The following ADAMTSL1 variants were observed in gnomAD, a reference collection of about 807,000 sequenced individuals.
ADAMTSL1 encodes ADAMTS like 1, also known as ADAMTS-like protein 1.
A neutral mutation model predicts 201.8 loss-of-function variants in ADAMTSL1; 126 were observed. The ratio of observed to expected loss-of-function variants is 0.62; its 90% CI spans 0.54 to 0.72. ADAMTSL1 has a LOEUF of 0.72. ADAMTSL1 is among the 30% of genes least tolerant of loss of function. ADAMTSL1 has a pLI of 0.00. For missense variants in ADAMTSL1, 2,679 were observed against 2,277.8 expected (o/e 1.18, Z -3.59); for synonymous variants, 1,121 against 903.4 (o/e 1.24, Z -4.32).
intron 2 of ADAMTSL1, among the ~76,000 whole-genome samples, chr9:18,406,295 T>TTTTCTTTTCTTTTCTTTTCC (rs1243022193): frequency 1.5e-5 from 1 of 68,880 alleles, no homozygotes; most frequent in East Asian, 3.3e-4. Context: ...CAGTTTTTTC[T>TTTTCTTTTCTTTTCTTTTCC]TTTCTTTTCT....
chr9:18,290,480 G>C (rs1833207561), intron 2 of ADAMTSL1, among the ~76,000 whole-genome samples: 1 of 152,014 alleles, frequency 6.6e-6, no homozygotes, highest in South Asian at 2.1e-4. Flanking sequence ...TTCCTTCCTG[G>C]CCCCACAAAG....
In ADAMTSL1 at chr9:17,927,998, T is replaced by C. The variant is rs1826622562; in HGVS notation, c.87+21076T>C. ...TTTTCTTTTCTTTTCTTTCTTTCTT[T>C]TTTTTTTTTTTTTTGAGACAGGGTC... is the stretch of plus-strand genomic sequence containing the variant. On this transcript the variant is annotated intron_variant, in intron 1 of 29. Transcript: ENST00000680146. Among the ~76,000 whole-genome samples the C allele has an allele frequency of 2.5e-5, 3 of 120,800 alleles. No homozygotes were observed. In the South Asian group the frequency reaches 1.0e-3, roughly 40 times the overall value. 79.2% of individuals were successfully genotyped at this position (120,800 alleles called of 152,430 possible).
chr9:18,736,285 AG>A (rs1818496808), intron 15 of ADAMTSL1, among the ~76,000 whole-genome samples: 1 of 152,094 alleles, frequency 6.6e-6, no homozygotes, highest in Admixed American at 6.5e-5. Flanking sequence ...TTCGCAAGTG[AG>A]GGGAGACAAG....
chr9:18,703,985 T>A (rs1832084358), intron 13 of ADAMTSL1, among the ~76,000 whole-genome samples: 1 of 151,918 alleles, frequency 6.6e-6, no homozygotes, highest in South Asian at 2.1e-4. Context: ...ACTTGTCATA[T>A]TCCATAAGCT....
At chr9:17,916,859 A>G (rs1313127955) in intron 1 of ADAMTSL1, among the ~76,000 whole-genome samples, 5 of 152,200 alleles carry the variant, frequency 3.3e-5, no homozygotes, top group African/African-American at 1.2e-4. Flanking sequence ...TCTAAAAGAT[A>G]TATTTTGAGA....
At chr9:18,713,536 C>G (rs915821330) in intron 14 of ADAMTSL1, among the ~76,000 whole-genome samples, 4 of 152,006 alleles carry the variant, frequency 2.6e-5, no homozygotes, top group Admixed American at 6.6e-5. Context: ...ATCAATTCAA[C>G]AAGAAGAGCT....
intron 20 of ADAMTSL1, among the ~76,000 whole-genome samples, chr9:18,811,793 G>A (rs564662057): frequency 6.6e-6 from 1 of 152,136 alleles, no homozygotes; most frequent in Admixed American, 6.5e-5. Context: ...AAGGCATAGA[G>A]ACTGGAAACA....
chr9:18,021,240 G>A (rs1236427621), intron 1 of ADAMTSL1, among the ~76,000 whole-genome samples: 1 of 152,070 alleles, frequency 6.6e-6, no homozygotes, highest in African/African-American at 2.4e-5. Flanking sequence ...AGCACTTTTG[G>A]CAAGAGTTAC....
rs370911276 is a variant in ADAMTSL1, at chr9:18,006,349, A to G, written c.87+99427A>G. 3.3e-5 allele frequency among the ~76,000 whole-genome samples: 5 copies of G among 152,110 alleles called. No homozygotes were observed. The East Asian group carries it at 7.8e-4, about 24-fold the overall frequency. On this transcript the variant is annotated intron_variant, in intron 1 of 29. Transcript: ENST00000680146. ...TGCAAGCTTATAGAATTTAATTTTT[A>G]GTAATGACTATGTTAAACAGCTCAC...
chr9:18,615,632 T>A (rs1457809068), intron 4 of ADAMTSL1, among the ~76,000 whole-genome samples: 1 of 152,230 alleles, frequency 6.6e-6, no homozygotes, highest in Admixed American at 6.5e-5. Flanking sequence ...GGGGAATTTA[T>A]CTTCTCTGAA....
At chr9:17,970,619 T>C (rs187899272) in intron 1 of ADAMTSL1, among the ~76,000 whole-genome samples, 1 of 152,136 alleles carries the variant, frequency 6.6e-6, no homozygotes, top group African/African-American at 2.4e-5. Flanking sequence ...CAGAATGACA[T>C]TTTCCTTCTT....
intron 15 of ADAMTSL1, chr9:18,724,045 G>A (rs1817716525): frequency 6.6e-6 from 1 of 152,190 alleles, no homozygotes; most frequent in South Asian, 2.1e-4. Context: ...TGTGTCTTCT[G>A]ATGGGATGCA....
chr9:18,012,933 G>T (rs981004257), intron 1 of ADAMTSL1, among the ~76,000 whole-genome samples: 1 of 151,852 alleles, frequency 6.6e-6, no homozygotes, highest in African/African-American at 2.4e-5. Flanking sequence ...ACTTGGAATC[G>T]AATCCAAGAT....
chr9:17,926,556 C>T (rs1826541396), intron 1 of ADAMTSL1, among the ~76,000 whole-genome samples: 1 of 152,142 alleles, frequency 6.6e-6, no homozygotes, highest in South Asian at 2.1e-4. Context: ...TCAGAGGTGA[C>T]ACAGGACACA....
intron 2 of ADAMTSL1, among the ~76,000 whole-genome samples, chr9:18,278,257 T>C (rs1329434336): frequency 6.6e-6 from 1 of 152,242 alleles, no homozygotes; most frequent in Non-Finnish European, 1.5e-5. Context: ...TTTTATACTT[T>C]CATGTGTTTC....
At chr9:18,592,451 T>G (rs1394923528) in intron 4 of ADAMTSL1, among the ~76,000 whole-genome samples, 1 of 152,184 alleles carries the variant, frequency 6.6e-6, no homozygotes, top group African/African-American at 2.4e-5. Flanking sequence ...CACAGATTGG[T>G]TGCCATTGAG....
chr9:18,186,176 A>C (rs1344096167), intron 2 of ADAMTSL1, among the ~76,000 whole-genome samples: 2 of 152,188 alleles, frequency 1.3e-5, no homozygotes, highest in African/African-American at 4.8e-5. Context: ...CAGAATGGCT[A>C]ATGATGGTTG....
chr9:18,043,814 T>G (rs570427427), intron 1 of ADAMTSL1, among the ~76,000 whole-genome samples: 9 of 152,038 alleles, frequency 5.9e-5, no homozygotes, highest in African/African-American at 2.2e-4. Context: ...TATACGTAGG[T>G]ACAATGTATA....
At chr9:18,345,971 T>C (rs1835695136) in intron 2 of ADAMTSL1, among the ~76,000 whole-genome samples, 2 of 152,238 alleles carry the variant, frequency 1.3e-5, no homozygotes, top group South Asian at 4.2e-4. Context: ...TCTGTAGCAG[T>C]GGTCCTGGCC....
Sources: allele counts gnomAD v4.1 joint callset (sites outside exome capture counted in the v4.1 genomes callset), GRCh38; gene constraint gnomAD v4.1.1; transcripts MANE v1.5; gene names NCBI Gene and HGNC (gene_info 2026-07-23, HGNC 2026-07-21).